PPA2: variants seen among roughly 807,000 people sequenced by gnomAD.
PPA2 encodes the protein inorganic pyrophosphatase 2, mitochondrial.
A neutral mutation model predicts 49.5 loss-of-function variants in PPA2; 48 were observed. The observed-to-expected ratio is 0.97, with a 90% CI of 0.77 to 1.23. The LOEUF is 1.23. Ranked by LOEUF, PPA2 falls within the 50% of genes most tolerant of loss-of-function variation. The pLI, the probability that PPA2 is intolerant of heterozygous loss-of-function variation, is 0.00. For missense variants in PPA2, 429 were observed against 410.1 expected (o/e 1.05, Z -0.40); for synonymous variants, 131 against 139.9 (o/e 0.94, Z 0.45).
At chr4:105,383,247 C>G (rs553000691) in intron 10 of PPA2, among the ~76,000 whole-genome samples, 1 of 152,258 alleles carries the variant, frequency 6.6e-6, no homozygotes, top group South Asian at 2.1e-4. Flanking sequence ...CATTTAAATT[C>G]TCCTTCTGAA....
intron 6 of PPA2, among the ~76,000 whole-genome samples, chr4:105,435,324 T>C (rs1035487616): frequency 6.6e-6 from 1 of 152,200 alleles, no homozygotes; most frequent in African/African-American, 2.4e-5. Context: ...TCTCTGGCTA[T>C]AAGATGCAAG....
intron 7 of PPA2, 78 bp from the exon 8 acceptor site, chr4:105,399,242 G>T (rs1490593): frequency 1.7e-5 from 24 of 1,414,662 alleles, no homozygotes; most frequent in East Asian, 1.6e-4. Flanking sequence ...TTGGACTGAG[G>T]GAGCCAGGAA....
At chr4:105,406,198 A>G (rs957997519) in intron 7 of PPA2, among the ~76,000 whole-genome samples, 1 of 147,722 alleles carries the variant, frequency 6.8e-6, no homozygotes, top group Non-Finnish European at 1.5e-5. Context: ...ATGGCAGGAA[A>G]AAAACAAAAA....
At chr4:105,458,029 G>A (rs1722938493) in intron 1 of PPA2, among the ~76,000 whole-genome samples, 1 of 152,166 alleles carries the variant, frequency 6.6e-6, no homozygotes, top group Admixed American at 6.5e-5. Context: ...TGGAGGTATG[G>A]TAAAGGGAAA....
intron 3 of PPA2, among the ~76,000 whole-genome samples, chr4:105,453,248 G>A (rs891195067): frequency 6.6e-6 from 1 of 152,120 alleles, no homozygotes; most frequent in East Asian, 1.9e-4. Context: ...CTCGGGGGAG[G>A]GAGGAAATGA....
chr4:105,435,781 G>T (rs1036596870), intron 6 of PPA2, among the ~76,000 whole-genome samples: 3 of 151,996 alleles, frequency 2.0e-5, no homozygotes, highest in African/African-American at 7.3e-5. Context: ...AACCTTCAAC[G>T]AACTAGGCAC....
At chr4:105,382,727 G>T (rs143080624) in intron 10 of PPA2, among the ~76,000 whole-genome samples, 1 of 152,102 alleles carries the variant, frequency 6.6e-6, no homozygotes, top group Non-Finnish European at 1.5e-5. Flanking sequence ...GGCTGGGTGC[G>T]ATGGCTTACA....
At chr4:105,405,259 T>C (rs973881656) in intron 7 of PPA2, 5 of 731,044 alleles carry the variant, frequency 6.8e-6, no homozygotes, top group Non-Finnish European at 8.4e-6. Flanking sequence ...ATAACATATA[T>C]AAAAAGTATC....
intron 1 of PPA2, among the ~76,000 whole-genome samples, chr4:105,468,378 G>A (rs1372707584): frequency 6.6e-6 from 1 of 152,122 alleles, no homozygotes; most frequent in Admixed American, 6.5e-5. Flanking sequence ...TCAAAACTAA[G>A]ACAAAGTGCA....
At chr4:105,405,396 A>C in intron 7 of PPA2, 8 of 780,362 alleles carry the variant, frequency 1.0e-5, no homozygotes, top group African/African-American at 1.9e-5. Flanking sequence ...AACAACAGAC[A>C]CGTTTACTTT....
intron 10 of PPA2, 144 bp downstream of exon 10, chr4:105,386,423 C>T (rs1578802561): frequency 1.7e-6 from 1 of 598,294 alleles, no homozygotes; most frequent in Non-Finnish European, 2.6e-6. Flanking sequence ...CCTTGAATTA[C>T]AGAAATAGAT....
rs188722949 is a variant in PPA2 at position 105,394,956 on chromosome 4, T to C, written c.869+1293A>G. On this transcript the variant is annotated intron_variant, in intron 9 of 11. Coordinates refer to ENST00000341695, the MANE Select transcript of PPA2 (RefSeq NM_176869.3). ...AGTCTTAATTTTAGCCCACAAAGAA[T>C]AGCTCACTCTACCATTTACTAGGAT... 4.6e-4 allele frequency among the ~76,000 whole-genome samples: 70 copies of C among 152,238 alleles called. 2 individuals are homozygous for C. The South Asian group carries it at 0.012, about 26-fold the overall frequency.
At chr4:105,453,930 T>C (rs189102543) in intron 2 of PPA2, 431 of 260,948 alleles carry the variant, frequency 1.7e-3, no homozygotes, top group Non-Finnish European at 2.8e-3. Flanking sequence ...GTTCAGTCTT[T>C]AAGAAAAGAC....
intron 1 of PPA2, among the ~76,000 whole-genome samples, chr4:105,469,225 T>C (rs1488289996): frequency 6.6e-6 from 1 of 152,204 alleles, no homozygotes; most frequent in African/African-American, 2.4e-5. Flanking sequence ...AAAATCAGAT[T>C]GTGTCCTTAG....
chr4:105,372,845 G>A (rs1219940274), intron 10 of PPA2, among the ~76,000 whole-genome samples: 1 of 152,074 alleles, frequency 6.6e-6, no homozygotes, highest in East Asian at 1.9e-4. Flanking sequence ...TGACTCTCTG[G>A]AGAATCCTAA....
intron 4 of PPA2, chr4:105,447,984 G>C (rs943878430): frequency 1.8e-5 from 5 of 277,264 alleles, no homozygotes; most frequent in South Asian, 3.3e-5. Flanking sequence ...GGCCTCAAGT[G>C]ATCTGCCCGC....
In PPA2 at chr4:105,473,905, C is replaced by A; in HGVS notation, c.146G>T (p.Arg49Leu). 6.3e-7 allele frequency: 1 copy of A among 1,599,870 alleles called. No homozygotes were observed. Among genetic ancestry groups the A allele is most frequent in the Non-Finnish European group, 8.5e-7 (1 of 1,172,352 alleles). Residue 49 changes from arginine (R) to leucine (L), a missense_variant, in exon 1 of 12, where the codon CGC becomes CTC. By Grantham distance (102) the Arg-to-Leu change is moderately radical. Transcript: ENST00000341695. ...CGGGAGCTACTTACTAAAGAAGAGG[C>A]GGTAATTCTGCGAGCAGGGCTGGCC... ...ERGQPCSQNYRLFFKNVTGHY... is the reference protein window; with the variant it reads ...ERGQPCSQNYLLFFKNVTGHY...
intron 6 of PPA2, among the ~76,000 whole-genome samples, chr4:105,432,177 C>T (rs182473636): frequency 6.6e-6 from 1 of 152,276 alleles, no homozygotes; most frequent in Non-Finnish European, 1.5e-5. Flanking sequence ...CATAATAAAA[C>T]AGCTCCTATC....
chr4:105,442,897 C>T (rs150562466), intron 5 of PPA2, among the ~76,000 whole-genome samples: 130 of 152,266 alleles, frequency 8.5e-4, no homozygotes, highest in Non-Finnish European at 1.5e-3. Context: ...TATCCACACA[C>T]GCCTATGAAA....
Sources: allele counts gnomAD v4.1 joint callset (sites outside exome capture counted in the v4.1 genomes callset), GRCh38; gene constraint gnomAD v4.1.1; transcripts MANE v1.5; gene names NCBI Gene and HGNC (gene_info 2026-07-23, HGNC 2026-07-21).